Variants in CENPW observed in about 807,000 individuals in gnomAD.
The protein encoded by CENPW is cancer-up-regulated gene 2 protein.
CENPW carries 3 observed loss-of-function variants against 11.1 expected under a neutral mutation model. The ratio of observed to expected loss-of-function variants is 0.27; its 90% CI spans 0.12 to 0.70. CENPW has a LOEUF of 0.70. Among genes scored for constraint, CENPW ranks in the 30% least tolerant of loss-of-function variants. CENPW has a pLI of 0.77. For missense variants in CENPW, 100 were observed against 105.6 expected (o/e 0.95, Z 0.23); for synonymous variants, 38 against 42.0 (o/e 0.91, Z 0.37).
the CENPW span, among the ~76,000 whole-genome samples, chr6:126,378,688 G>A: frequency 6.6e-6 from 1 of 152,132 alleles, no homozygotes; most frequent in Admixed American, 6.5e-5. Context: ...ATAACCTAAA[G>A]TCCAGAACAG....
chr6:126,456,660 A>G, the CENPW span, among the ~76,000 whole-genome samples: 1 of 151,682 alleles, frequency 6.6e-6, no homozygotes. Flanking sequence ...TTTCATGATG[A>G]AGACACCAAA....
chr6:126,391,102 G>A, the CENPW span, among the ~76,000 whole-genome samples: 2 of 151,926 alleles, frequency 1.3e-5, no homozygotes, highest in Admixed American at 1.3e-4. Context: ...GTGTACAAGG[G>A]TTCCCTTTTC....
At chr6:126,403,079 AC>A in the CENPW span, among the ~76,000 whole-genome samples, 1 of 152,056 alleles carries the variant, frequency 6.6e-6, no homozygotes, top group Non-Finnish European at 1.5e-5. Context: ...GTTTTGGGAC[AC>A]CACAAATTAT....
chr6:126,395,461 T>C, the CENPW span, among the ~76,000 whole-genome samples: 6 of 152,226 alleles, frequency 3.9e-5, no homozygotes, highest in Non-Finnish European at 7.3e-5. Context: ...TTAAATTTCT[T>C]TGAGTTTCCT....
At chr6:126,465,540 C>G in the CENPW span, among the ~76,000 whole-genome samples, 3 of 151,804 alleles carry the variant, frequency 2.0e-5, no homozygotes, top group African/African-American at 7.3e-5. Context: ...ATAAAACTCA[C>G]GTGAACATTA....
the CENPW span, among the ~76,000 whole-genome samples, chr6:126,410,540 C>A: frequency 2.0e-5 from 3 of 151,916 alleles, no homozygotes; most frequent in Non-Finnish European, 2.9e-5. Flanking sequence ...GTCCAAATTT[C>A]TCTTCAAATT....
the CENPW span, among the ~76,000 whole-genome samples, chr6:126,376,940 T>C: frequency 1.3e-5 from 2 of 152,194 alleles, no homozygotes; most frequent in African/African-American, 2.4e-5. Context: ...CACTCTGAGA[T>C]GAATTCATCC....
chr6:126,345,218 A>G (rs1250711204), intron 1 of CENPW, among the ~76,000 whole-genome samples: 4 of 151,978 alleles, frequency 2.6e-5, no homozygotes, highest in Admixed American at 1.3e-4. Context: ...AATACTTAAC[A>G]AAGTGTTATT....
At chr6:126,407,013 G>A in the CENPW span, among the ~76,000 whole-genome samples, 2 of 152,176 alleles carry the variant, frequency 1.3e-5, no homozygotes, top group South Asian at 4.1e-4. Context: ...ATTGTGGCTT[G>A]CTGTACAGAT....
the CENPW span, among the ~76,000 whole-genome samples, chr6:126,378,531 G>T: frequency 6.6e-6 from 1 of 151,182 alleles, no homozygotes; most frequent in South Asian, 2.1e-4. Context: ...TATACTGGTC[G>T]TGAGCACTCT....
chr6:126,451,872 TG>T, the CENPW span, among the ~76,000 whole-genome samples: 125 of 151,090 alleles, frequency 8.3e-4, no homozygotes, highest in Non-Finnish European at 1.1e-3. Context: ...CTCAGGGAAA[TG>T]AGTCCACAAA....
the CENPW span, among the ~76,000 whole-genome samples, chr6:126,384,542 A>C: frequency 7.9e-5 from 12 of 152,206 alleles, no homozygotes; most frequent in Non-Finnish European, 1.8e-4. Flanking sequence ...TTCCCTGTTC[A>C]ATAAATGTGC....
At chr6:126,356,782 T>C in the CENPW span, among the ~76,000 whole-genome samples, 1 of 152,154 alleles carries the variant, frequency 6.6e-6, no homozygotes, top group African/African-American at 2.4e-5. Flanking sequence ...AATGGGGTTA[T>C]TTGTTTTTTG....
chr6:126,405,624 T>C, the CENPW span, among the ~76,000 whole-genome samples: 7 of 152,134 alleles, frequency 4.6e-5, no homozygotes, highest in Admixed American at 3.3e-4. Flanking sequence ...TTAATTTTTC[T>C]AATATGTGAA....
the CENPW span, among the ~76,000 whole-genome samples, chr6:126,454,660 G>A: frequency 6.6e-6 from 1 of 151,068 alleles, no homozygotes; most frequent in Non-Finnish European, 1.5e-5. Context: ...ACACCTACAG[G>A]AATGAGAGAA....
chr6:126,374,517 G>A, the CENPW span, among the ~76,000 whole-genome samples: 17 of 152,302 alleles, frequency 1.1e-4, no homozygotes, highest in African/African-American at 4.1e-4. Context: ...GACATGGTTT[G>A]GGAGTTTTGC....
the CENPW span, among the ~76,000 whole-genome samples, chr6:126,412,165 TTTTGTAAAGGTAGA>T: frequency 7.5e-6 from 1 of 132,912 alleles, no homozygotes; most frequent in Non-Finnish European, 1.6e-5. Flanking sequence ...TTTTTAAATT[TTTTGTAAAGGTAGA>T]GTTTAATCTT....
intron 2 of CENPW, among the ~76,000 whole-genome samples, chr6:126,347,007 T>C (rs1780424658): frequency 6.6e-6 from 1 of 152,220 alleles, no homozygotes; most frequent in South Asian, 2.1e-4. Flanking sequence ...CTGTTATTTT[T>C]ATATAATGTT....
chr6:126,340,141 T>C lies in CENPW; in HGVS notation c.-133T>C, dbSNP rs947433842. On this transcript the variant is annotated 5_prime_UTR_variant, in exon 1 of 3. Coordinates refer to ENST00000368328, the MANE Select transcript of CENPW (RefSeq NM_001012507.4). ...TTCCGTTGGCGGCGGATTCGAACGT[T>C]CGGACTGAGGTTTTTCTGCCTGAAG... 7.1e-6 allele frequency: 6 copies of C among 839,610 alleles called. 1 individual carries two copies. In the South Asian group the frequency reaches 8.2e-5, roughly 11 times the overall value. The allele number at this position is 839,610 out of a possible 1,614,324, so 52.0% of individuals were successfully genotyped here.
Sources: gnomAD v4.1 joint callset for allele counts (sites outside exome capture counted in the v4.1 genomes callset) on GRCh38, gnomAD v4.1.1 for gene constraint, MANE v1.5 for transcripts, NCBI Gene and HGNC (gene_info 2026-07-23, HGNC 2026-07-21) for gene names.